The following PSMD6 variants were observed in gnomAD, a reference collection of about 807,000 sequenced individuals.
The protein encoded by PSMD6 is proteasome 26S subunit, non-ATPase 6.
Under a neutral mutation model 44.9 loss-of-function variants are expected in PSMD6, and 7 were observed. That is an observed-to-expected ratio of 0.16 (90% confidence interval 0.09 to 0.29). The LOEUF (loss-of-function observed/expected upper bound fraction) is 0.29. Among genes scored for constraint, PSMD6 ranks in the 10% least tolerant of loss-of-function variants. PSMD6 has a pLI of 1.00. For missense variants in PSMD6, 420 were observed against 482.6 expected (o/e 0.87, Z 1.21); for synonymous variants, 184 against 172.7 (o/e 1.07, Z -0.51).
intron 2 of PSMD6, 41 bp downstream of exon 2, chr3:64,022,277 G>A: frequency 6.2e-7 from 1 of 1,600,078 alleles, no homozygotes; most frequent in Non-Finnish European, 8.6e-7. Flanking sequence ...TCCAATTTTA[G>A]CCTATACTAA....
intron 6 of PSMD6, chr3:64,012,572 AC>A (rs2075976286): frequency 6.6e-6 from 1 of 152,174 alleles, no homozygotes; most frequent in Admixed American, 6.6e-5. Context: ...CCATCCCATG[AC>A]CTACAAGGCC....
chr3:64,019,990 T>C (rs1253274972), intron 2 of PSMD6: 1 of 152,358 alleles, frequency 6.6e-6, no homozygotes, highest in African/African-American at 2.4e-5. Flanking sequence ...CACAAATTTA[T>C]AAGGGACTGG....
At chr3:64,022,269 C>T (rs2076144491) in intron 2 of PSMD6, 49 bp downstream of exon 2, 1 of 1,582,874 alleles carries the variant, frequency 6.3e-7, no homozygotes, top group African/African-American at 1.4e-5. Flanking sequence ...GAATAGTCTC[C>T]AATTTTAGCC....
At chr3:64,016,390 T>C (rs2076044501) in intron 5 of PSMD6, 1 of 152,044 alleles carries the variant, frequency 6.6e-6, no homozygotes, top group Admixed American at 6.6e-5. Flanking sequence ...ACTACTTCCT[T>C]TTCCAATTGA....
At chr3:64,012,578 A>T (rs2075976417) in intron 6 of PSMD6, 1 of 152,138 alleles carries the variant, frequency 6.6e-6, no homozygotes, top group African/African-American at 2.4e-5. Flanking sequence ...CATGACCTAC[A>T]AGGCCCTACA....
At chr3:64,011,756 G>A (rs2075958454) in intron 6 of PSMD6, 1 of 152,158 alleles carries the variant, frequency 6.6e-6, no homozygotes, top group Non-Finnish European at 1.5e-5. Flanking sequence ...ATACTGCGGT[G>A]TGTGCCCCTA....
chr3:64,010,853 C>T lies in PSMD6; in HGVS notation c.1073+25G>A, dbSNP rs564037062. 1.4e-5 allele frequency: 22 copies of T among 1,587,432 alleles called. No homozygotes were observed. In the South Asian group the frequency reaches 2.1e-4, roughly 15 times the overall value. ...ACCTACTTTTAAAATTTAGGAATGC[C>T]CCTTATTCTGAGAAATGAGAGTACC... On this transcript the variant is annotated intron_variant, in intron 7 of 7. Transcript: ENST00000295901.
chr3:64,011,676 C>T (rs1423155453), intron 6 of PSMD6: 1 of 151,924 alleles, frequency 6.6e-6, no homozygotes, highest in Non-Finnish European at 1.5e-5. Flanking sequence ...ACAAATACTA[C>T]CTGAATTCAA....
chr3:64,023,603 C>T (rs2106881074), upstream of PSMD6: 3 of 1,413,928 alleles, frequency 2.1e-6, no homozygotes, highest in Non-Finnish European at 2.8e-6. Context: ...GCGCCTGCGC[C>T]CCTGTGTGGT....
upstream of PSMD6, chr3:64,023,787 A>G: frequency 1.4e-6 from 2 of 1,472,002 alleles, no homozygotes; most frequent in Non-Finnish European, 1.8e-6. Context: ...TAATAACAGC[A>G]TTAATAAAAA....
chr3:64,023,264 G>C lies in PSMD6; in HGVS notation c.145+11C>G, dbSNP rs770487836. The C allele has an allele frequency of 1.9e-6, 3 of 1,553,846 alleles. No individual in the cohort carries two copies. The African/African-American group carries it at 4.1e-5, about 21-fold the overall frequency. On this transcript the variant is annotated intron_variant, in intron 1 of 7. Transcript: ENST00000295901. Reference sequence around the variant, plus strand: ...CCTAGGCCGCTGACTCGGCGCTCGTGCGGGCCTCACTGTTATCGCGGACGG... The same window carrying C: ...CCTAGGCCGCTGACTCGGCGCTCGTCCGGGCCTCACTGTTATCGCGGACGG...
At chr3:64,023,542 G>T, upstream of PSMD6, 1 of 1,412,758 alleles carries the variant, frequency 7.1e-7, no homozygotes, top group Non-Finnish European at 9.3e-7. Flanking sequence ...TCCCGTCTCC[G>T]CCGGCAGCGT....
chr3:64,015,867 GTTTTTTC>G (rs1236175477), intron 5 of PSMD6: 1 of 152,006 alleles, frequency 6.6e-6, no homozygotes, highest in African/African-American at 2.4e-5. Flanking sequence ...GTTTTTAAAT[GTTTTTTC>G]TTTTTTAAAG....
intron 2 of PSMD6, among the ~76,000 whole-genome samples, chr3:64,021,704 G>A (rs978898852): frequency 6.6e-6 from 1 of 151,876 alleles, no homozygotes. Context: ...TCAACTACTC[G>A]GGAGGCTGAG....
chr3:64,019,055 TA>T lies in PSMD6; in HGVS notation c.498-19del, dbSNP rs1559677162. The T allele has an allele frequency of 6.4e-7, 1 of 1,574,666 alleles. No individual in the cohort carries two copies. ...CTATTAAGCTATGAAATAAAAACAG[TA>T]AGATCATAGTCTGGAAACAGACAAG... On this transcript the variant is annotated intron_variant, in intron 3 of 7. Coordinates refer to ENST00000295901, the MANE Select transcript of PSMD6 (RefSeq NM_014814.3).
Position 64,018,852 on chromosome 3 carries a change from A to G in PSMD6, c.683T>C (p.Met228Thr). 1.3e-6 allele frequency: 2 copies of G among 1,592,686 alleles called. No individual in the cohort carries two copies. Among genetic ancestry groups the G allele is most frequent in the African/African-American group, 2.7e-5 (2 of 74,512 alleles). Residue 228 changes from methionine (M) to threonine (T), a missense_variant, in exon 4 of 8, where the codon ATG becomes ACG. By Grantham distance (81) the Met-to-Thr change is moderately conservative. This residue lies in a region of PSMD6 where 216 missense variants were observed against 227.0 expected (regional missense o/e 0.95). Transcript: ENST00000295901. ...GAGATCTGGTCTTTCTAAGGCAATC[A>G]TACTGACATAGACAGTATAAGTCAC... Reference protein sequence around the residue: ...TFVTYTVYVSMIALERPDLRE... With the variant: ...TFVTYTVYVSTIALERPDLRE...
chr3:64,019,843 A>G (rs2076103225), intron 2 of PSMD6: 1 of 156,976 alleles, frequency 6.4e-6, no homozygotes, highest in Non-Finnish European at 1.4e-5. Flanking sequence ...GAATATGACT[A>G]AATTTGTAAA....
At chr3:64,022,586 C>A in intron 1 of PSMD6, 63 bp from the exon 2 acceptor site, 2 of 1,580,608 alleles carry the variant, frequency 1.3e-6, no homozygotes, top group East Asian at 4.6e-5. Flanking sequence ...AAAGTCTGCC[C>A]ACGTATTTCA....
intron 2 of PSMD6, among the ~76,000 whole-genome samples, chr3:64,021,417 A>AT (rs1290560686): frequency 7.6e-4 from 115 of 152,236 alleles, no homozygotes; most frequent in Non-Finnish European, 4.4e-5. Flanking sequence ...TAAAAAAAAA[A>AT]TTCTGTAGAA....
Sources: allele counts gnomAD v4.1 joint callset (sites outside exome capture counted in the v4.1 genomes callset), GRCh38; gene constraint gnomAD v4.1.1; regional missense constraint gnomAD v4.1.1; transcripts MANE v1.5; gene names NCBI Gene and HGNC (gene_info 2026-07-23, HGNC 2026-07-21).